The following IMMP2L variants were observed in gnomAD, a reference collection of about 807,000 sequenced individuals.
The protein encoded by IMMP2L is inner mitochondrial membrane peptidase subunit 2, also known as mitochondrial inner membrane protease subunit 2.
A neutral mutation model predicts 19.3 loss-of-function variants in IMMP2L; 18 were observed. The observed-to-expected ratio is 0.93, with a 90% CI of 0.64 to 1.38. IMMP2L has a LOEUF of 1.38. IMMP2L is among the 40% of genes most tolerant of loss of function. The pLI, the probability that IMMP2L is intolerant of heterozygous loss-of-function variation, is 0.00. For missense variants in IMMP2L, 233 were observed against 218.2 expected (o/e 1.07, Z -0.43); for synonymous variants, 76 against 73.0 (o/e 1.04, Z -0.21).
At position 110,684,632 on chromosome 7, in the gene IMMP2L, T is replaced by C. The variant is rs548887779; in HGVS notation, c.409-20911A>G. 4.6e-5 allele frequency among the ~76,000 whole-genome samples: 7 copies of C among 152,028 alleles called. No individual in the cohort carries two copies. In the South Asian group the frequency reaches 1.5e-3, roughly 32 times the overall value. On this transcript the variant is annotated intron_variant, in intron 5 of 5. Transcript: ENST00000405709. ...AGGGATCATGTTAAATTGTCAAGGG[T>C]TCAGTCTGAAGAGTGAGGTGTGTTA...
chr7:111,458,766 C>A (rs1839893120), intron 3 of IMMP2L, among the ~76,000 whole-genome samples: 1 of 152,148 alleles, frequency 6.6e-6, no homozygotes, highest in Non-Finnish European at 1.5e-5. Flanking sequence ...CATTTCCATA[C>A]TGATGAATCC....
intron 3 of IMMP2L, among the ~76,000 whole-genome samples, chr7:111,105,441 G>A (rs1285458216): frequency 6.6e-6 from 1 of 151,824 alleles, no homozygotes; most frequent in African/African-American, 2.4e-5. Flanking sequence ...TTGACCAAAT[G>A]AGACTGCATA....
rs117221027 is a variant in IMMP2L, at chr7:110,949,245, C to G, written c.305+14255G>C. ...ATTGGTTTTGTCTCTCTGAAGAACT[C>G]TAGTATATCCATCCAACTTAAGACA... On this transcript the variant is annotated intron_variant, in intron 4 of 5. Coordinates refer to ENST00000405709, the MANE Select transcript of IMMP2L (RefSeq NM_032549.4). Among the ~76,000 whole-genome samples, 907 of 152,274 alleles carry G rather than the reference C, an allele frequency of 6.0e-3. 3 individuals carry two copies. Among genetic ancestry groups the G allele is most frequent in the Non-Finnish European group, 0.01 (693 of 68,026 alleles).
intron 1 of IMMP2L, among the ~76,000 whole-genome samples, chr7:111,541,988 G>A (rs949297545): frequency 3.3e-5 from 5 of 152,002 alleles, no homozygotes; most frequent in African/African-American, 2.4e-5. Flanking sequence ...TGAGACGTAG[G>A]TAACAGAATC....
intron 3 of IMMP2L, among the ~76,000 whole-genome samples, chr7:111,053,460 AGC>A (rs1430702592): frequency 1.3e-5 from 2 of 152,160 alleles, no homozygotes; most frequent in Non-Finnish European, 2.9e-5. Flanking sequence ...TACATGCTTG[AGC>A]TCACTCACCC....
At chr7:110,954,217 C>A (rs916544338) in intron 4 of IMMP2L, among the ~76,000 whole-genome samples, 3 of 152,090 alleles carry the variant, frequency 2.0e-5, no homozygotes, top group Admixed American at 1.3e-4. Flanking sequence ...GAAACTCCTA[C>A]ACAAAATTTG....
chr7:111,284,914 G>A (rs1820323413), intron 3 of IMMP2L, among the ~76,000 whole-genome samples: 1 of 152,142 alleles, frequency 6.6e-6, no homozygotes, highest in Non-Finnish European at 1.5e-5. Flanking sequence ...GGCCACCTAG[G>A]AGCTCAAATC....
At chr7:110,933,950 C>T (rs1815792940) in intron 4 of IMMP2L, among the ~76,000 whole-genome samples, 2 of 152,146 alleles carry the variant, frequency 1.3e-5, no homozygotes, top group Admixed American at 6.5e-5. Context: ...GATTTTAGAT[C>T]TTTCCTGCTT....
chr7:111,359,757 T>C (rs1251125672), intron 3 of IMMP2L, among the ~76,000 whole-genome samples: 3 of 152,126 alleles, frequency 2.0e-5, no homozygotes, highest in Non-Finnish European at 2.9e-5. Flanking sequence ...ATCTCTTTGT[T>C]ACATAAGCTA....
At chr7:110,786,842 C>T (rs1275819050) in intron 5 of IMMP2L, among the ~76,000 whole-genome samples, 1 of 151,988 alleles carries the variant, frequency 6.6e-6, no homozygotes, top group African/African-American at 2.4e-5. Context: ...TTGCAGGCTT[C>T]CTTTTAATCA....
intron 4 of IMMP2L, among the ~76,000 whole-genome samples, chr7:110,914,225 T>C (rs1351164840): frequency 5.9e-5 from 9 of 152,168 alleles, no homozygotes; most frequent in Admixed American, 5.9e-4. Context: ...TGCTTCAGGA[T>C]CCTGATCTCA....
intron 5 of IMMP2L, among the ~76,000 whole-genome samples, chr7:110,826,351 G>A (rs530458999): frequency 7.7e-4 from 117 of 152,256 alleles, no homozygotes; most frequent in African/African-American, 2.7e-3. Flanking sequence ...ATACCCAAAG[G>A]TGTATAAATC....
At chr7:110,759,607 C>T (rs903933864) in intron 5 of IMMP2L, among the ~76,000 whole-genome samples, 24 of 152,080 alleles carry the variant, frequency 1.6e-4, no homozygotes, top group African/African-American at 5.3e-4. Flanking sequence ...GGAACACATT[C>T]TTGACTAGGC....
chr7:110,662,793 T>G lies in IMMP2L; in HGVS notation c.*809A>C, dbSNP rs1021584935. Among the ~76,000 whole-genome samples the G allele has an allele frequency of 6.6e-6, 1 of 152,166 alleles. No homozygotes were observed. The highest frequency in any genetic ancestry group is 1.5e-5 in the Non-Finnish European group (1 of 68,024). ...ATCAAACGTGGCTGATCTGGACTGTTTTTTCTTCTATTTCACTCAGAACTT... is the reference window on the plus strand; with the variant it reads ...ATCAAACGTGGCTGATCTGGACTGTGTTTTCTTCTATTTCACTCAGAACTT... On this transcript the variant is annotated 3_prime_UTR_variant, in exon 6 of 6. Coordinates refer to ENST00000405709, the MANE Select transcript of IMMP2L (RefSeq NM_032549.4).
intron 3 of IMMP2L, among the ~76,000 whole-genome samples, chr7:111,444,827 A>G (rs1838141866): frequency 6.6e-6 from 1 of 152,144 alleles, no homozygotes; most frequent in Admixed American, 6.6e-5. Context: ...TTCAAATTGG[A>G]GTAGATATGC....
chr7:111,254,044 C>T (rs1251368502), intron 3 of IMMP2L, among the ~76,000 whole-genome samples: 1 of 152,080 alleles, frequency 6.6e-6, no homozygotes, highest in Non-Finnish European at 1.5e-5. Context: ...CATTTAAAAC[C>T]AATTCACTAA....
At chr7:111,133,528 C>T (rs1802044690) in intron 3 of IMMP2L, among the ~76,000 whole-genome samples, 1 of 151,902 alleles carries the variant, frequency 6.6e-6, no homozygotes, top group Non-Finnish European at 1.5e-5. Flanking sequence ...CAGGAGCTGG[C>T]TTCAGAAAGA....
chr7:110,759,886 T>A (rs1251159238), intron 5 of IMMP2L, among the ~76,000 whole-genome samples: 2 of 152,116 alleles, frequency 1.3e-5, no homozygotes, highest in Admixed American at 1.3e-4. Context: ...TGCTTATTAT[T>A]ATTAGATTCA....
intron 5 of IMMP2L, among the ~76,000 whole-genome samples, chr7:110,821,062 T>C (rs986643685): frequency 1.3e-5 from 2 of 151,730 alleles, no homozygotes; most frequent in African/African-American, 4.8e-5. Context: ...TTATATACAC[T>C]AACTCATTTA....
Sources: gnomAD v4.1 joint callset for allele counts (sites outside exome capture counted in the v4.1 genomes callset) on GRCh38, gnomAD v4.1.1 for gene constraint, MANE v1.5 for transcripts, NCBI Gene and HGNC (gene_info 2026-07-23, HGNC 2026-07-21) for gene names.